CLINT1: variants seen among roughly 807,000 people sequenced by gnomAD.
CLINT1 encodes the protein clathrin interactor 1, also known as clathrin interacting protein localized in the trans-Golgi region.
A neutral mutation model predicts 70.4 loss-of-function variants in CLINT1; 15 were observed. The observed-to-expected ratio is 0.21, with a 90% CI of 0.14 to 0.33. CLINT1 has a LOEUF of 0.33. CLINT1 is among the 10% of genes least tolerant of loss of function. CLINT1 has a pLI of 1.00. For synonymous variants in CLINT1, 227 were observed against 254.7 expected, an observed-to-expected ratio of 0.89 and a Z score of 1.04; for missense variants, 615 against 778.1, an observed-to-expected ratio of 0.79 and a Z score of 2.49.
At chr5:157,806,481 C>T (rs1762387588) in intron 6 of CLINT1, among the ~76,000 whole-genome samples, 3 of 149,104 alleles carry the variant, frequency 2.0e-5, no homozygotes, top group Admixed American at 2.0e-4. Flanking sequence ...AGTTCAAACA[C>T]TTGCATGTGA....
At chr5:157,845,785 A>T (rs902521195) in intron 1 of CLINT1, among the ~76,000 whole-genome samples, 1 of 151,932 alleles carries the variant, frequency 6.6e-6, no homozygotes, top group Non-Finnish European at 1.5e-5. Context: ...CGATCTCCTG[A>T]CCTCGTGATC....
At position 157,786,372 on chromosome 5, in the gene CLINT1, A is replaced by G. The variant is rs1008039154; in HGVS notation, c.*1274T>C. Reference sequence around the variant, plus strand: ...AAAGTTTTATCAATTTAATAAAAAAATTTTCAACATAACATGGGGAGGTAA... The same window carrying G: ...AAAGTTTTATCAATTTAATAAAAAAGTTTTCAACATAACATGGGGAGGTAA... On this transcript the variant is annotated 3_prime_UTR_variant, in exon 12 of 12. Coordinates refer to ENST00000411809, the MANE Select transcript of CLINT1 (RefSeq NM_014666.4). 1 of 152,554 alleles carries G rather than the reference A, an allele frequency of 6.6e-6. No individual in the cohort carries two copies. The highest frequency in any genetic ancestry group is 1.5e-5 in the Non-Finnish European group (1 of 68,014). 9.5% of individuals were successfully genotyped at this position (152,554 alleles called of 1,614,324 possible).
chr5:157,840,259 A>AC (rs1753124403), intron 1 of CLINT1, among the ~76,000 whole-genome samples: 1 of 151,568 alleles, frequency 6.6e-6, no homozygotes, highest in South Asian at 2.1e-4. Flanking sequence ...TTAAAAAAAA[A>AC]AAACAAAAAA....
chr5:157,787,754 C>G lies in CLINT1; in HGVS notation c.1770G>C (p.Met590Ile), dbSNP rs201102111. The change falls in exon 12 of 12, where the codon ATG (methionine) becomes ATC (isoleucine). Residue 590 changes from methionine to isoleucine, a missense_variant. Coordinates refer to ENST00000411809, the MANE Select transcript of CLINT1 (RefSeq NM_014666.4). ...CCATTCCCATTGTGCCTGTCAAGCC[C>G]ATCCCAGCAGCGGACATCCCTATGT... ...NMNIGMSAAG[M>I]GLTGTMGMGM... The G allele has an allele frequency of 4.8e-4, 772 of 1,614,008 alleles. 1 individual carries two copies. The highest frequency in any genetic ancestry group is 1.6e-3 in the Middle Eastern group (10 of 6,062).
intron 1 of CLINT1, among the ~76,000 whole-genome samples, chr5:157,854,484 T>G (rs1753681411): frequency 6.6e-6 from 1 of 152,132 alleles, no homozygotes; most frequent in African/African-American, 2.4e-5. Flanking sequence ...GCAGTGTGCA[T>G]GTTTGCATCA....
At chr5:157,828,606 T>A (rs1252767741) in intron 1 of CLINT1, among the ~76,000 whole-genome samples, 1 of 152,174 alleles carries the variant, frequency 6.6e-6, no homozygotes, top group Admixed American at 6.5e-5. Context: ...TTTAAAAATT[T>A]AAAAATATTT....
intron 5 of CLINT1, 116 bp downstream of exon 5, chr5:157,812,947 C>T: frequency 3.3e-6 from 3 of 915,608 alleles, no homozygotes; most frequent in Non-Finnish European, 4.9e-6. Context: ...TTTTAGTATT[C>T]TATGTATTCC....
At chr5:157,817,621 T>C in intron 1 of CLINT1, 74 bp from the exon 2 acceptor site, 1 of 965,104 alleles carries the variant, frequency 1.0e-6, no homozygotes, top group Non-Finnish European at 1.6e-6. Context: ...GAAAACTTAA[T>C]AATGACACTA....
At chr5:157,808,318 G>T (rs906576295) in intron 6 of CLINT1, among the ~76,000 whole-genome samples, 2 of 151,922 alleles carry the variant, frequency 1.3e-5, no homozygotes, top group Non-Finnish European at 2.9e-5. Context: ...TTTTTGTTTG[G>T]ACCTCTTTTT....
chr5:157,790,414 G>T (rs993754126), intron 10 of CLINT1: 1 of 284,294 alleles, frequency 3.5e-6, no homozygotes, highest in Admixed American at 5.0e-5. Context: ...GAAAGAAGCA[G>T]AGGTTCCTAG....
intron 1 of CLINT1, among the ~76,000 whole-genome samples, chr5:157,835,651 G>C (rs1167574023): frequency 2.6e-5 from 4 of 152,060 alleles, no homozygotes; most frequent in Non-Finnish European, 5.9e-5. Context: ...AGAAGGGAGA[G>C]GTGGAAAGGA....
At chr5:157,796,189 G>A (rs1762061696) in intron 8 of CLINT1, 1 of 152,120 alleles carries the variant, frequency 6.6e-6, no homozygotes, top group Non-Finnish European at 1.5e-5. Flanking sequence ...GAAAAAAATA[G>A]CTTTTTTGCT....
chr5:157,843,318 C>T (rs933207737), intron 1 of CLINT1, among the ~76,000 whole-genome samples: 1 of 152,134 alleles, frequency 6.6e-6, no homozygotes, highest in Non-Finnish European at 1.5e-5. Context: ...CAATAATTTA[C>T]TGACAACACA....
intron 1 of CLINT1, among the ~76,000 whole-genome samples, chr5:157,855,935 CAA>C (rs879560600): frequency 3.0e-5 from 4 of 134,678 alleles, no homozygotes; most frequent in African/African-American, 5.5e-5. Context: ...AACCCCATCT[CAA>C]AAAAAAAAAA....
At chr5:157,857,681 T>C (rs1291637444) in intron 1 of CLINT1, among the ~76,000 whole-genome samples, 3 of 152,228 alleles carry the variant, frequency 2.0e-5, no homozygotes, top group Admixed American at 6.5e-5. Flanking sequence ...ACTAGGGCAC[T>C]GTGAGGATAA....
At chr5:157,808,537 C>T (rs1382434015) in intron 6 of CLINT1, among the ~76,000 whole-genome samples, 1 of 152,004 alleles carries the variant, frequency 6.6e-6, no homozygotes, top group Non-Finnish European at 1.5e-5. Flanking sequence ...TATTGTGAGG[C>T]ACAAATGATA....
chr5:157,841,419 A>G (rs954501428), intron 1 of CLINT1, among the ~76,000 whole-genome samples: 1 of 151,068 alleles, frequency 6.6e-6, no homozygotes. Flanking sequence ...CACAAAAATT[A>G]GCTGGGCATG....
Position 157,803,633 on chromosome 5 carries a change from C to A in CLINT1, c.1012+17G>T, listed in dbSNP as rs772856506. ...ATGACTCTCAAACCAAAAGAAAAGG[C>A]CAATGTAGAAGCTTACCTGTTGACT... On this transcript the variant is annotated intron_variant, in intron 8 of 11. Coordinates refer to ENST00000411809, the MANE Select transcript of CLINT1 (RefSeq NM_014666.4). The A allele has an allele frequency of 2.8e-5, 40 of 1,447,052 alleles. No individual in the cohort carries two copies. Among genetic ancestry groups the A allele is most frequent in the Non-Finnish European group, 3.6e-5 (39 of 1,085,454 alleles). 89.6% of individuals were successfully genotyped at this position (1,447,052 alleles called of 1,614,324 possible).
chr5:157,837,035 A>AT (rs1763445463), intron 1 of CLINT1, among the ~76,000 whole-genome samples: 1 of 152,230 alleles, frequency 6.6e-6, no homozygotes, highest in African/African-American at 2.4e-5. Flanking sequence ...ACTTCTGGTT[A>AT]TAACACTTTA....
Sources: allele counts gnomAD v4.1 joint callset (sites outside exome capture counted in the v4.1 genomes callset), GRCh38; gene constraint gnomAD v4.1.1; transcripts MANE v1.5; gene names NCBI Gene and HGNC (gene_info 2026-07-23, HGNC 2026-07-21).